DGKB: variants seen among roughly 807,000 people sequenced by gnomAD.
DGKB encodes the protein diacylglycerol kinase beta, also known as 90 kDa diacylglycerol kinase.
In DGKB, 67 loss-of-function variants were observed where a neutral mutation model predicts 114.3. That is an observed-to-expected ratio of 0.59 (90% CI 0.48 to 0.72). The LOEUF (loss-of-function observed/expected upper bound fraction) is 0.72. Among genes scored for constraint, DGKB ranks in the 30% least tolerant of loss-of-function variants. The pLI is 0.00. For synonymous variants in DGKB, 398 were observed against 323.1 expected, an observed-to-expected ratio of 1.23 and a Z score of -2.49; for missense variants, 907 against 975.2, an observed-to-expected ratio of 0.93 and a Z score of 0.93.
chr7:14,789,076 A>G (rs565538666), intron 2 of DGKB, among the ~76,000 whole-genome samples: 1 of 151,904 alleles, frequency 6.6e-6, no homozygotes, highest in Non-Finnish European at 1.5e-5. Context: ...CCACTGGAGG[A>G]ATTTTTTTTT....
At chr7:14,276,283 C>G (rs1798975783) in intron 23 of DGKB, among the ~76,000 whole-genome samples, 1 of 152,152 alleles carries the variant, frequency 6.6e-6, no homozygotes, top group Non-Finnish European at 1.5e-5. Context: ...TATTTTCTTA[C>G]ATTGTATCGA....
intron 23 of DGKB, among the ~76,000 whole-genome samples, chr7:14,238,410 T>C (rs920545195): frequency 2.6e-5 from 4 of 151,982 alleles, no homozygotes; most frequent in African/African-American, 2.4e-5. Flanking sequence ...TGTGGAATGG[T>C]GAGTTAATTA....
At chr7:14,596,481 C>G (rs573340892) in intron 17 of DGKB, among the ~76,000 whole-genome samples, 7 of 152,282 alleles carry the variant, frequency 4.6e-5, no homozygotes, top group African/African-American at 1.7e-4. Context: ...TAAAGTCACA[C>G]TGAGCAATGG....
intron 2 of DGKB, among the ~76,000 whole-genome samples, chr7:14,813,740 T>C (rs574788418): frequency 1.3e-5 from 2 of 152,294 alleles, no homozygotes; most frequent in East Asian, 3.9e-4. Context: ...ATATATAATG[T>C]TTTCTTTCAT....
At chr7:14,599,965 CAG>C (rs1344124302) in intron 17 of DGKB, among the ~76,000 whole-genome samples, 9 of 152,066 alleles carry the variant, frequency 5.9e-5, no homozygotes, top group African/African-American at 2.2e-4. Context: ...AAATCAGAAA[CAG>C]ATTACTTTAG....
intron 20 of DGKB, among the ~76,000 whole-genome samples, chr7:14,557,004 T>C (rs955831862): frequency 1.3e-5 from 2 of 152,134 alleles, no homozygotes; most frequent in Non-Finnish European, 2.9e-5. Flanking sequence ...AAAGCAGTGG[T>C]TCTCAAAATA....
chr7:14,847,364 GT>G (rs1415714142), intron 1 of DGKB, among the ~76,000 whole-genome samples: 1 of 150,990 alleles, frequency 6.6e-6, no homozygotes, highest in Non-Finnish European at 1.5e-5. Flanking sequence ...ACTCCAAACT[GT>G]AAGATTTCCA....
intron 20 of DGKB, among the ~76,000 whole-genome samples, chr7:14,546,284 T>C (rs1794270427): frequency 6.6e-6 from 1 of 152,162 alleles, no homozygotes. Context: ...TAAGTTCTAG[T>C]GAAGAACTTC....
At chr7:14,580,706 T>A (rs886232635) in intron 19 of DGKB, among the ~76,000 whole-genome samples, 156 bp downstream of exon 19, 5 of 152,214 alleles carry the variant, frequency 3.3e-5, no homozygotes, top group Non-Finnish European at 7.3e-5. Flanking sequence ...TTTGTTCTTC[T>A]ATCCAAGACT....
chr7:14,265,683 C>A (rs191455412), intron 23 of DGKB, among the ~76,000 whole-genome samples: 1 of 152,170 alleles, frequency 6.6e-6, no homozygotes, highest in African/African-American at 2.4e-5. Flanking sequence ...CCCTTAGATT[C>A]TCAGAATATT....
At chr7:14,894,262 C>T (rs1047140043) in intron 1 of DGKB, among the ~76,000 whole-genome samples, 3 of 151,328 alleles carry the variant, frequency 2.0e-5, no homozygotes, top group East Asian at 3.9e-4. Flanking sequence ...TTTTAACATA[C>T]GTATTAGCAT....
At chr7:14,333,992 C>G (rs1810201213) in intron 23 of DGKB, among the ~76,000 whole-genome samples, 1 of 152,104 alleles carries the variant, frequency 6.6e-6, no homozygotes, top group African/African-American at 2.4e-5. Flanking sequence ...TAAAAGTGTG[C>G]TTGATATATA....
At chr7:14,797,531 C>A (rs1316499055) in intron 2 of DGKB, among the ~76,000 whole-genome samples, 1 of 152,130 alleles carries the variant, frequency 6.6e-6, no homozygotes, top group Non-Finnish European at 1.5e-5. Context: ...ATATCCAAAT[C>A]TGCATGGATA....
intron 2 of DGKB, among the ~76,000 whole-genome samples, chr7:14,765,059 A>T (rs746889450): frequency 6.6e-6 from 1 of 152,024 alleles, no homozygotes; most frequent in Non-Finnish European, 1.5e-5. Flanking sequence ...AGAAATATGG[A>T]ACTATTGTTA....
chr7:14,720,366 G>A (rs1385008543), intron 5 of DGKB, among the ~76,000 whole-genome samples: 1 of 151,854 alleles, frequency 6.6e-6, no homozygotes, highest in Non-Finnish European at 1.5e-5. Context: ...GTGCAATGGT[G>A]CGATCTTGGC....
intron 20 of DGKB, among the ~76,000 whole-genome samples, chr7:14,512,894 T>C (rs1788199363): frequency 6.6e-6 from 1 of 152,100 alleles, no homozygotes; most frequent in African/African-American, 2.4e-5. Flanking sequence ...TTATGATCAT[T>C]CATTTTACTC....
intron 23 of DGKB, chr7:14,191,828 G>T: frequency 2.2e-6 from 1 of 458,826 alleles, no homozygotes; most frequent in East Asian, 5.8e-5. Flanking sequence ...CTAAATCAGT[G>T]ACGGCTATGT....
chr7:14,509,289 G>A (rs1405896192), intron 20 of DGKB, among the ~76,000 whole-genome samples: 1 of 152,056 alleles, frequency 6.6e-6, no homozygotes, highest in Non-Finnish European at 1.5e-5. Context: ...TCTCCCCTGT[G>A]TGAGACACCC....
chr7:14,546,915 T>C (rs1016686883), intron 20 of DGKB, among the ~76,000 whole-genome samples: 3 of 152,148 alleles, frequency 2.0e-5, no homozygotes, highest in Non-Finnish European at 4.4e-5. Flanking sequence ...CAAAACACAT[T>C]TTCTTTCTGT....
Sources: gnomAD v4.1 joint callset for allele counts (sites outside exome capture counted in the v4.1 genomes callset) on GRCh38, gnomAD v4.1.1 for gene constraint, MANE v1.5 for transcripts, NCBI Gene and HGNC (gene_info 2026-07-23, HGNC 2026-07-21) for gene names.